The following SLC35E2B variants were observed in gnomAD, a reference collection of about 807,000 sequenced individuals.
The protein encoded by SLC35E2B is solute carrier family 35, member E2B.
A neutral mutation model predicts 32.4 loss-of-function variants in SLC35E2B; 18 were observed. That is an observed-to-expected ratio of 0.56 (90% CI 0.38 to 0.82). The LOEUF is 0.82. Among genes scored for constraint, SLC35E2B ranks in the 40% least tolerant of loss-of-function variants. The pLI, the probability that SLC35E2B is intolerant of heterozygous loss-of-function variation, is 0.00. For synonymous variants in SLC35E2B, 132 were observed against 209.1 expected, an observed-to-expected ratio of 0.63 and a Z score of 3.18; for missense variants, 263 against 469.5, an observed-to-expected ratio of 0.56 and a Z score of 4.06.
intron 2 of SLC35E2B, among the ~76,000 whole-genome samples, chr1:1,684,308 G>C (rs28435953): frequency 0.43 from 65,145 of 152,076 alleles, 14,284 homozygotes; most frequent in East Asian, 0.55. Context: ...GTGAAATTCA[G>C]ACAACCCCAC....
At chr1:1,683,242 C>T (rs954180553) in intron 2 of SLC35E2B, among the ~76,000 whole-genome samples, 13 of 152,166 alleles carry the variant, frequency 8.5e-5, no homozygotes, top group South Asian at 2.1e-4. Flanking sequence ...AATTCCCTCC[C>T]GAAGCCGTCC....
rs74045936 is a variant in SLC35E2B at position 1,682,755 on chromosome 1, G to A, written c.-147-5909C>T. Among the ~76,000 whole-genome samples the A allele has an allele frequency of 5.8e-3, 876 of 152,136 alleles. 11 individuals are homozygous for A. The highest frequency in any genetic ancestry group is 0.02 in the African/African-American group (848 of 41,480). The stretch of plus-strand genomic sequence containing the variant: ...AAGTAGTTGTGAGAGATCACAGCCC[G>A]GGGTCCTTCCTAAGTAGTTCCGAGA... On this transcript the variant is annotated intron_variant, in intron 2 of 9. Coordinates refer to ENST00000617444, the MANE Select transcript of SLC35E2B (RefSeq NM_001290264.2).
rs561772599 is a variant in SLC35E2B at position 1,670,497 on chromosome 1, C to A, written c.708-346G>T. The A allele has an allele frequency of 1.2e-4, 23 of 190,600 alleles. No individual in the cohort carries two copies. In the East Asian group the frequency reaches 3.5e-3, roughly 29 times the overall value. The allele number at this position is 190,600 out of a possible 1,614,324, so 11.8% of individuals were successfully genotyped here. A position where few individuals can be genotyped will look rare whatever the true frequency, so the allele number is the denominator to read the frequency against. Reference sequence around the variant, plus strand: ...AGTGCAGTGGCGCAATCTCGGCTCACTGCAAGCTCCGCCTCCCAGGTTCAC... The same window carrying A: ...AGTGCAGTGGCGCAATCTCGGCTCAATGCAAGCTCCGCCTCCCAGGTTCAC... On this transcript the variant is annotated intron_variant, in intron 6 of 9. Coordinates refer to ENST00000617444, the MANE Select transcript of SLC35E2B (RefSeq NM_001290264.2).
At chr1:1,679,830 C>CA (rs763458628) in intron 2 of SLC35E2B, among the ~76,000 whole-genome samples, 1,924 of 70,660 alleles carry the variant, frequency 0.027, 34 homozygotes, top group African/African-American at 0.059. Flanking sequence ...AGACTCCCGT[C>CA]AAAAAAAAAA....
chr1:1,664,818 C>G lies in SLC35E2B; in HGVS notation c.*964G>C, dbSNP rs1190315352. The G allele has an allele frequency of 1.1e-6, 1 of 906,258 alleles. No individual in the cohort carries two copies. Among genetic ancestry groups the G allele is most frequent in the Non-Finnish European group, 1.3e-6 (1 of 763,604 alleles). The allele number at this position is 906,258 out of a possible 1,614,324, so 56.1% of individuals were successfully genotyped here. ...ACCATCAACACTGCAGCGTCCTGCCCAAGGCTCACGTGGGGAACCGGACAG... is the reference window on the plus strand; with the variant it reads ...ACCATCAACACTGCAGCGTCCTGCCGAAGGCTCACGTGGGGAACCGGACAG... On this transcript the variant is annotated 3_prime_UTR_variant, in exon 10 of 10. Coordinates refer to ENST00000617444, the MANE Select transcript of SLC35E2B (RefSeq NM_001290264.2).
intron 2 of SLC35E2B, among the ~76,000 whole-genome samples, chr1:1,687,187 C>T (rs1157720037): frequency 4.6e-5 from 7 of 152,198 alleles, no homozygotes; most frequent in African/African-American, 7.2e-5. Context: ...GCGACACGCA[C>T]GCACACACAC....
At chr1:1,667,046 A>G (rs183713514) in intron 9 of SLC35E2B, among the ~76,000 whole-genome samples, 968 of 10,842 alleles carry the variant, frequency 0.089, 400 homozygotes, top group African/African-American at 0.28. Context: ...CGGAGGTTGC[A>G]GTGAGCCGAG....
Position 1,665,060 on chromosome 1 carries a change from A to C in SLC35E2B, c.*722T>G. ...GGTGCCCTGGGGTTGCGGGGAGCTC[A>C]CGCAGCCCAGGGTGTGGAAGGGATA... is the stretch of plus-strand genomic sequence containing the variant. On this transcript the variant is annotated 3_prime_UTR_variant, in exon 10 of 10. Coordinates refer to ENST00000617444, the MANE Select transcript of SLC35E2B (RefSeq NM_001290264.2). The C allele has an allele frequency of 2.1e-3, 1,472 of 697,246 alleles. No individual in the cohort carries two copies. Among genetic ancestry groups the C allele is most frequent in the Non-Finnish European group, 2.4e-3 (1,348 of 567,152 alleles). 43.2% of individuals were successfully genotyped at this position (697,246 alleles called of 1,614,324 possible).
chr1:1,675,422 T>C, intron 5 of SLC35E2B, 41 bp downstream of exon 5: 2 of 1,605,642 alleles, frequency 1.2e-6, no homozygotes, highest in Admixed American at 1.7e-5. Flanking sequence ...AGGCCTGGGA[T>C]GGTGGGGCGC....
chr1:1,663,338 C>T lies in SLC35E2B; in HGVS notation c.*2444G>A, dbSNP rs1643455066. 9 of 975,790 alleles carry T rather than the reference C, an allele frequency of 9.2e-6. No homozygotes were observed. The highest frequency in any genetic ancestry group is 2.3e-4 in the East Asian group (2 of 8,758). The allele number at this position is 975,790 out of a possible 1,614,324, so 60.4% of individuals were successfully genotyped here. A position where few individuals can be genotyped will look rare whatever the true frequency, so the allele number is the denominator to read the frequency against. On this transcript the variant is annotated 3_prime_UTR_variant, in exon 10 of 10. Coordinates refer to ENST00000617444, the MANE Select transcript of SLC35E2B (RefSeq NM_001290264.2). ...TCAGAACCAGGCGCCTGCACCTCTC[C>T]TTATGCCAGACCACAATCTTCAAAG... is the stretch of plus-strand genomic sequence containing the variant.
Position 1,669,674 on chromosome 1 carries a change from A to AC in SLC35E2B, c.823dup (p.Val275GlyfsTer144). 1 of 1,525,652 alleles carries AC rather than the reference A, an allele frequency of 6.6e-7. No individual in the cohort carries two copies. Among genetic ancestry groups the AC allele is most frequent in the African/African-American group, 1.4e-5 (1 of 72,554 alleles). 94.5% of individuals were successfully genotyped at this position (1,525,652 alleles called of 1,614,324 possible). ...GTGTCTGAAACCCACCGTAAAGAAA[A>AC]CCCGGGCCGGGACGAGCATGGCCAC... On this transcript the variant is annotated frameshift_variant, in exon 8 of 10. Coordinates refer to ENST00000617444, the MANE Select transcript of SLC35E2B (RefSeq NM_001290264.2). LOFTEE classifies it high-confidence loss of function.
rs1377297556 is a variant in SLC35E2B at position 1,692,784 on chromosome 1, C to T, written c.-901G>A. The T allele has an allele frequency of 2.1e-5, 21 of 984,432 alleles. 1 individual carries two copies. Among genetic ancestry groups the T allele is most frequent in the Non-Finnish European group, 2.4e-5 (20 of 829,522 alleles). The allele number at this position is 984,432 out of a possible 1,614,324, so 61.0% of individuals were successfully genotyped here. The stretch of plus-strand genomic sequence containing the variant: ...CCCCGCGGCTGCCCGTTGGTTCCGC[C>T]CGGGCCGTTCTACTCCAGGCAGACG... On this transcript the variant is annotated 5_prime_UTR_variant, in exon 1 of 10. Transcript: ENST00000617444.
rs1007726451 is a variant in SLC35E2B, at chr1:1,681,201, C to CTTTT, written c.-147-4356_-147-4355insAAAA. The stretch of plus-strand genomic sequence containing the variant: ...TCTAGTGAGACCTTTCTTTCCTTTT[C>CTTTT]CTTTTCTTTTTTTCGAGATAGAGTC... On this transcript the variant is annotated intron_variant, in intron 2 of 9. Coordinates refer to ENST00000617444, the MANE Select transcript of SLC35E2B (RefSeq NM_001290264.2). Among the ~76,000 whole-genome samples, 6 of 152,002 alleles carry CTTTT rather than the reference C, an allele frequency of 3.9e-5. 1 individual carries two copies.
chr1:1,662,845 TA>T lies in SLC35E2B; in HGVS notation c.*2936del. 1.2e-6 allele frequency: 1 copy of T among 822,210 alleles called. No homozygotes were observed. The allele number at this position is 822,210 out of a possible 1,614,324, so 50.9% of individuals were successfully genotyped here. On this transcript the variant is annotated 3_prime_UTR_variant, in exon 10 of 10. Transcript: ENST00000617444. The stretch of plus-strand genomic sequence containing the variant: ...CGACCATGGACACACCCAGTGGAAG[TA>T]ACCACACCTGGTGTGTTCCTAGAAG...
intron 2 of SLC35E2B, among the ~76,000 whole-genome samples, chr1:1,680,470 C>A (rs1643890851): frequency 6.6e-6 from 1 of 152,168 alleles, no homozygotes; most frequent in Non-Finnish European, 1.5e-5. Flanking sequence ...TTGGGACGGG[C>A]TACTAGGAGC....
intron 6 of SLC35E2B, chr1:1,670,558 A>G (rs570342935): frequency 2.4e-5 from 4 of 164,712 alleles, no homozygotes; most frequent in Admixed American, 6.2e-5. Context: ...AGTAGCTGGG[A>G]CTACAGGCGT....
intron 2 of SLC35E2B, among the ~76,000 whole-genome samples, chr1:1,688,274 A>G (rs1365632452): frequency 1.3e-5 from 2 of 152,140 alleles, no homozygotes; most frequent in Non-Finnish European, 2.9e-5. Flanking sequence ...CATCATCACA[A>G]TCACGACGAG....
Position 1,668,735 on chromosome 1 carries a change from T to C in SLC35E2B, c.835-263A>G, listed in dbSNP as rs1444786214. ...TGGACAACAAGCACATGAAAGAGGCTGAACGTCACCATCATCAGGAAAATG... is the reference window on the plus strand; with the variant it reads ...TGGACAACAAGCACATGAAAGAGGCCGAACGTCACCATCATCAGGAAAATG... On this transcript the variant is annotated intron_variant, in intron 8 of 9. Transcript: ENST00000617444. 2.0e-5 allele frequency among the ~76,000 whole-genome samples: 3 copies of C among 152,182 alleles called. No homozygotes were observed. The East Asian group carries it at 5.8e-4, about 29-fold the overall frequency.
chr1:1,689,406 C>G (rs377489142), intron 2 of SLC35E2B, among the ~76,000 whole-genome samples: 1,753 of 148,682 alleles, frequency 0.012, 47 homozygotes, highest in African/African-American at 0.038. Context: ...CGGTGAATCC[C>G]CACAATAGCC....
Sources: gnomAD v4.1 joint callset for allele counts (sites outside exome capture counted in the v4.1 genomes callset) on GRCh38, gnomAD v4.1.1 for gene constraint, MANE v1.5 for transcripts, NCBI Gene and HGNC (gene_info 2026-07-23, HGNC 2026-07-21) for gene names.